PCDHGA9: variants seen among roughly 807,000 people sequenced by gnomAD.
PCDHGA9 encodes the protein protocadherin gamma subfamily A, 9.
In PCDHGA9, 37 loss-of-function variants were observed where a neutral mutation model predicts 62.5. The observed-to-expected ratio is 0.59, with a 90% CI of 0.46 to 0.78. The LOEUF (loss-of-function observed/expected upper bound fraction) is 0.78, where lower values mean the gene tolerates loss of function less well. Among genes scored for constraint, PCDHGA9 ranks in the 30% least tolerant of loss-of-function variants. The probability of loss-of-function intolerance (pLI) is 0.00; values close to 1 mark genes in which losing one functional copy is unlikely to be tolerated. For synonymous variants in PCDHGA9, 459 were observed against 484.6 expected (o/e 0.95, Z 0.69); for missense variants, 1,138 against 1,166.2 (o/e 0.98, Z 0.35).
At position 141,403,849 on chromosome 5, in the gene PCDHGA9, G is replaced by A; in HGVS notation, c.897G>A (p.Gly299=). The A allele has an allele frequency of 6.2e-7, 1 of 1,613,560 alleles. No homozygotes were observed. The highest frequency in any genetic ancestry group is 2.2e-5 in the East Asian group (1 of 44,864). Residue 299 remains glycine, a synonymous_variant, in exon 1 of 4, where the codon GGG becomes GGA. Coordinates refer to ENST00000573521, the MANE Select transcript of PCDHGA9 (RefSeq NM_018921.3). ...TATTCCAGCTTAATGAAAATACTGG[G>A]GAAATATCAACAGCAAAAAGTCTAG... is the stretch of plus-strand genomic sequence containing the variant. The part of the protein sequence containing the change: ...SLLFQLNENT[G]EISTAKSLDY...
At chr5:141,479,849 C>T (rs1014214860) in intron 1 of PCDHGA9, among the ~76,000 whole-genome samples, 7 of 152,208 alleles carry the variant, frequency 4.6e-5, no homozygotes. Context: ...AAGGTGACTG[C>T]AAGGCCTTTG....
rs561908431 is a variant in PCDHGA9, at chr5:141,510,639, TATC to T, written c.2573-304_2573-302del. Among the ~76,000 whole-genome samples the T allele has an allele frequency of 8.5e-3, 1,289 of 152,298 alleles. 6 individuals carry two copies. Among genetic ancestry groups the T allele is most frequent in the Middle Eastern group, 0.058 (17 of 294 alleles). On this transcript the variant is annotated intron_variant, in intron 3 of 3. Transcript: ENST00000573521. ...TAAAACCAGAAGAGGTGGTTACCAT[TATC>T]ATCCCCATTTTGCAGATGAGAAAAC...
chr5:141,478,249 A>T, intron 1 of PCDHGA9: 1 of 1,614,110 alleles, frequency 6.2e-7, no homozygotes, highest in African/African-American at 1.3e-5. Context: ...CAGTGTTCGG[A>T]GTAATCATAT....
intron 1 of PCDHGA9, among the ~76,000 whole-genome samples, chr5:141,438,119 A>G (rs2097930168): frequency 6.6e-6 from 1 of 152,220 alleles, no homozygotes; most frequent in Non-Finnish European, 1.5e-5. Flanking sequence ...ATGCATTCCT[A>G]AAATATTAAT....
chr5:141,408,655 A>G (rs778418746), intron 1 of PCDHGA9: 1 of 1,613,928 alleles, frequency 6.2e-7, no homozygotes, highest in African/African-American at 1.3e-5. Flanking sequence ...CTGGTACACG[A>G]CTATCGCTTG....
intron 1 of PCDHGA9, chr5:141,430,824 C>T: frequency 6.5e-7 from 1 of 1,547,704 alleles, no homozygotes; most frequent in Non-Finnish European, 8.7e-7. Flanking sequence ...CTCCTGGGGA[C>T]TCTGTGGGAG....
chr5:141,428,090 G>A (rs1415146154), intron 1 of PCDHGA9: 1 of 1,608,870 alleles, frequency 6.2e-7, no homozygotes, highest in Non-Finnish European at 8.5e-7. Flanking sequence ...ACGCTTGGCT[G>A]TCCTACCACG....
In PCDHGA9 at chr5:141,432,973, G is replaced by T. The variant is rs150572360; in HGVS notation, c.2424+27597G>T. The T allele has an allele frequency of 3.7e-6, 6 of 1,614,096 alleles. 1 individual carries two copies. The highest frequency in any genetic ancestry group is 1.7e-5 in the Admixed American group (1 of 60,014). Reference sequence around the variant, plus strand: ...GCGGCTTGACAGGAGCGCCGGCGTCGCACTTTGTGGGCGTGGACGGGGTGC... The same window carrying T: ...GCGGCTTGACAGGAGCGCCGGCGTCTCACTTTGTGGGCGTGGACGGGGTGC... On this transcript the variant is annotated intron_variant, in intron 1 of 3. Coordinates refer to ENST00000573521, the MANE Select transcript of PCDHGA9 (RefSeq NM_018921.3). This position sits in a 1 kb window ranked among gnomAD's most constrained non-coding sequence, Gnocchi z 6.0.
Position 141,491,262 on chromosome 5 carries a change from G to A in PCDHGA9, c.2425-3545G>A. ...TGGAGGATGAGGACCCTGAGGAAATGCCCAAATCCAGTGACTTCCTCATAC... is the reference window on the plus strand; with the variant it reads ...TGGAGGATGAGGACCCTGAGGAAATACCCAAATCCAGTGACTTCCTCATAC... On this transcript the variant is annotated intron_variant, in intron 1 of 3. Transcript: ENST00000573521. The surrounding 1 kb of genome is among the most constrained non-coding windows in gnomAD (Gnocchi z 6.9). 2 of 1,614,122 alleles carry A rather than the reference G, an allele frequency of 1.2e-6. No individual in the cohort carries two copies. Among genetic ancestry groups the A allele is most frequent in the Non-Finnish European group, 1.7e-6 (2 of 1,179,952 alleles).
Position 141,425,952 on chromosome 5 carries a change from T to C in PCDHGA9, c.2424+20576T>C, listed in dbSNP as rs1047436598. 3.9e-5 allele frequency among the ~76,000 whole-genome samples: 6 copies of C among 152,364 alleles called. No individual in the cohort carries two copies. In the South Asian group the frequency reaches 8.3e-4, roughly 21 times the overall value. ...ATAAAATGTCTAGTTTCCTATACATTAGTCCAACACATCAGTCTAATTCTG... is the reference window on the plus strand; with the variant it reads ...ATAAAATGTCTAGTTTCCTATACATCAGTCCAACACATCAGTCTAATTCTG... On this transcript the variant is annotated intron_variant, in intron 1 of 3. Coordinates refer to ENST00000573521, the MANE Select transcript of PCDHGA9 (RefSeq NM_018921.3).
chr5:141,451,330 T>C (rs1335156581), intron 1 of PCDHGA9, among the ~76,000 whole-genome samples: 2 of 152,200 alleles, frequency 1.3e-5, no homozygotes, highest in East Asian at 1.9e-4. Context: ...CCTAAGGCTA[T>C]TGTCTTATCT....
rs752720166 is a variant in PCDHGA9, at chr5:141,419,978, G to C, written c.2424+14602G>C. 1.9e-6 allele frequency: 3 copies of C among 1,614,076 alleles called. No homozygotes were observed. In the South Asian group the frequency reaches 3.3e-5, roughly 18 times the overall value. On this transcript the variant is annotated intron_variant, in intron 1 of 3. Transcript: ENST00000573521. Reference sequence around the variant, plus strand: ...GATTTCTGTGCTCTTTCTCCTCGCGGTGATTCTAGCTATTGCTCTACGCCT... The same window carrying C: ...GATTTCTGTGCTCTTTCTCCTCGCGCTGATTCTAGCTATTGCTCTACGCCT...
intron 1 of PCDHGA9, among the ~76,000 whole-genome samples, chr5:141,434,248 G>A (rs1347428778): frequency 2.0e-5 from 3 of 152,188 alleles, no homozygotes; most frequent in Non-Finnish European, 2.9e-5. Flanking sequence ...GATGACTTGG[G>A]CATTGTGGGG....
rs1257565821 is a variant in PCDHGA9, at chr5:141,487,319, C to G, written c.2425-7488C>G. ...ATTCGTGGCACTACTCTCTAAGTGTCTTCGTGGGGCAGCCTGTGGAGTCAC... is the reference window on the plus strand; with the variant it reads ...ATTCGTGGCACTACTCTCTAAGTGTGTTCGTGGGGCAGCCTGTGGAGTCAC... On this transcript the variant is annotated intron_variant, in intron 1 of 3. Transcript: ENST00000573521. The surrounding 1 kb of genome is among the most constrained non-coding windows in gnomAD (Gnocchi z 5.0). The G allele has an allele frequency of 6.2e-7, 1 of 1,614,052 alleles. No homozygotes were observed. The highest frequency in any genetic ancestry group is 1.3e-5 in the African/African-American group (1 of 74,930).
intron 1 of PCDHGA9, chr5:141,421,009 T>G (rs948913987): frequency 1.9e-6 from 1 of 515,496 alleles, no homozygotes. Context: ...AATCAGGGAA[T>G]GGGAAGCTGC....
At chr5:141,454,697 T>A (rs768850161) in intron 1 of PCDHGA9, among the ~76,000 whole-genome samples, 14 of 150,312 alleles carry the variant, frequency 9.3e-5, no homozygotes, top group African/African-American at 3.4e-4. Flanking sequence ...TGAGCCACCA[T>A]GCTCCACCTG....
At chr5:141,427,954 T>G in intron 1 of PCDHGA9, 1 of 1,587,162 alleles carries the variant, frequency 6.3e-7, no homozygotes, top group Non-Finnish European at 8.6e-7. Context: ...AATGACAATG[T>G]GCCGCGGGTG....
At chr5:141,456,175 A>G (rs2154565434) in intron 1 of PCDHGA9, among the ~76,000 whole-genome samples, 1 of 151,840 alleles carries the variant, frequency 6.6e-6, no homozygotes, top group East Asian at 1.9e-4. Context: ...GGGATTACAG[A>G]ATAATTTCTT....
chr5:141,404,392 T>A lies in PCDHGA9; in HGVS notation c.1440T>A (p.Asp480Glu). ...TCTCCGTGATTGCCTATGACCCTGA[T>A]AGCAATGAGAATTCTAGAGTTATTT... is the stretch of plus-strand genomic sequence containing the variant. ...SIFSVIAYDP[D>E]SNENSRVIYS... The change falls in exon 1 of 4, where the codon GAT (aspartate) becomes GAA (glutamate). Residue 480 changes from aspartate to glutamate, a missense_variant. Physicochemically the swap from Asp to Glu is conservative, Grantham distance 45. Transcript: ENST00000573521. 6.2e-7 allele frequency: 1 copy of A among 1,613,938 alleles called. No homozygotes were observed. The highest frequency in any genetic ancestry group is 8.5e-7 in the Non-Finnish European group (1 of 1,179,892).
Sources: gnomAD v4.1 joint callset for allele counts (sites outside exome capture counted in the v4.1 genomes callset) on GRCh38, gnomAD v4.1.1 for gene constraint, Gnocchi (gnomAD v3.1) non-coding constraint, MANE v1.5 for transcripts, NCBI Gene and HGNC (gene_info 2026-07-23, HGNC 2026-07-21) for gene names.